Variants in FAR2 observed in about 807,000 individuals in gnomAD.
FAR2 encodes epididymis secretory protein Li 81.
In FAR2, 19 loss-of-function variants were observed where a neutral mutation model predicts 56.0. That is an observed-to-expected ratio of 0.34 (90% CI 0.24 to 0.50). The LOEUF is 0.50. Ranked by LOEUF, FAR2 falls within the 20% of genes least tolerant of loss-of-function variation. The pLI is 0.98. For missense variants in FAR2, 508 were observed against 642.2 expected, an observed-to-expected ratio of 0.79 and a Z score of 2.26; for synonymous variants, 219 against 218.8, an observed-to-expected ratio of 1.00 and a Z score of -0.01.
chr12:29,181,199 AC>A (rs753155194), intron 1 of FAR2, among the ~76,000 whole-genome samples: 3 of 152,042 alleles, frequency 2.0e-5, no homozygotes, highest in South Asian at 2.1e-4. Flanking sequence ...AGTTTTCCTG[AC>A]GTTCACCCGT....
intron 2 of FAR2, among the ~76,000 whole-genome samples, chr12:29,278,939 C>G (rs1417116199): frequency 6.6e-6 from 1 of 152,126 alleles, no homozygotes; most frequent in Non-Finnish European, 1.5e-5. Context: ...TACTATCGAA[C>G]TCTAGTTTAG....
chr12:29,239,704 ATAT>A (rs1347151971), intron 1 of FAR2, among the ~76,000 whole-genome samples: 1 of 152,204 alleles, frequency 6.6e-6, no homozygotes, highest in Non-Finnish European at 1.5e-5. Flanking sequence ...AGGCAGAGAA[ATAT>A]TATCCTTCAA....
intron 2 of FAR2, chr12:29,292,474 A>C (rs764310101): frequency 6.6e-6 from 1 of 152,254 alleles, no homozygotes; most frequent in Non-Finnish European, 1.5e-5. Context: ...TACAATTAAC[A>C]TTAACTATCA....
intron 1 of FAR2, among the ~76,000 whole-genome samples, chr12:29,173,581 A>T (rs1401261476): frequency 6.6e-6 from 1 of 152,102 alleles, no homozygotes; most frequent in Non-Finnish European, 1.5e-5. Context: ...TCAGAGAGAG[A>T]ATACTGGGGC....
chr12:29,243,959 A>G (rs1446668945), intron 1 of FAR2, among the ~76,000 whole-genome samples: 2 of 152,190 alleles, frequency 1.3e-5, no homozygotes, highest in Non-Finnish European at 2.9e-5. Context: ...TATCCCCAGC[A>G]TGTAGCACAA....
intron 2 of FAR2, among the ~76,000 whole-genome samples, chr12:29,290,050 CAAT>C (rs1179231969): frequency 6.6e-6 from 1 of 152,110 alleles, no homozygotes; most frequent in African/African-American, 2.4e-5. Flanking sequence ...AAAATGTTGT[CAAT>C]GATGTGGAGC....
chr12:29,314,060 C>G (rs894825083), intron 8 of FAR2, among the ~76,000 whole-genome samples: 9 of 152,184 alleles, frequency 5.9e-5, no homozygotes, highest in African/African-American at 2.2e-4. Context: ...TTATTACTCT[C>G]TAAGCATTAA....
At chr12:29,270,283 G>A (rs1030897900) in intron 1 of FAR2, 129 bp from the exon 2 acceptor site, 6 of 582,464 alleles carry the variant, frequency 1.0e-5, no homozygotes, top group African/African-American at 3.8e-5. Flanking sequence ...TAAAAGCCAC[G>A]ATGCTCTCAC....
chr12:29,267,125 T>G (rs1948530469), intron 1 of FAR2, among the ~76,000 whole-genome samples: 1 of 152,180 alleles, frequency 6.6e-6, no homozygotes. Flanking sequence ...TATAGTTATA[T>G]TTGGTGAAAA....
intron 2 of FAR2, among the ~76,000 whole-genome samples, chr12:29,274,620 C>A (rs535685461): frequency 2.0e-5 from 3 of 152,150 alleles, no homozygotes; most frequent in Admixed American, 6.5e-5. Flanking sequence ...ATCCAGCTGG[C>A]CGGTTCCTGC....
At chr12:29,329,861 A>G (rs1247455153) in intron 10 of FAR2, among the ~76,000 whole-genome samples, 1 of 152,192 alleles carries the variant, frequency 6.6e-6, no homozygotes, top group Non-Finnish European at 1.5e-5. Flanking sequence ...ATGAAGTCAC[A>G]GCTAAAAATT....
At chr12:29,229,522 A>G (rs1386419070) in intron 1 of FAR2, among the ~76,000 whole-genome samples, 1 of 152,228 alleles carries the variant, frequency 6.6e-6, no homozygotes, top group African/African-American at 2.4e-5. Flanking sequence ...AACTAAAGAA[A>G]AAAAAAGACC....
At chr12:29,305,448 C>T (rs1949240305) in intron 4 of FAR2, among the ~76,000 whole-genome samples, 3 of 152,104 alleles carry the variant, frequency 2.0e-5, no homozygotes, top group South Asian at 2.1e-4. Flanking sequence ...AGAAATGACA[C>T]TTTAAAACTA....
chr12:29,321,666 A>T, intron 9 of FAR2, 129 bp from the exon 10 acceptor site: 1 of 1,089,648 alleles, frequency 9.2e-7, no homozygotes, highest in Non-Finnish European at 1.3e-6. Context: ...AAAAAGAAGA[A>T]GAATTTTAAT....
At chr12:29,194,257 T>C (rs1950126498) in intron 1 of FAR2, among the ~76,000 whole-genome samples, 1 of 152,166 alleles carries the variant, frequency 6.6e-6, no homozygotes, top group Non-Finnish European at 1.5e-5. Flanking sequence ...TCAGAACGAA[T>C]CTTCAACTTC....
At chr12:29,208,915 G>A (rs1054095975) in intron 1 of FAR2, among the ~76,000 whole-genome samples, 4 of 152,038 alleles carry the variant, frequency 2.6e-5, no homozygotes, top group Non-Finnish European at 5.9e-5. Flanking sequence ...ATGCAACCTC[G>A]GTGTGGCAAA....
intron 1 of FAR2, among the ~76,000 whole-genome samples, chr12:29,227,932 G>C (rs1947795825): frequency 6.6e-6 from 1 of 151,672 alleles, no homozygotes; most frequent in Non-Finnish European, 1.5e-5. Flanking sequence ...AAGTTCTAAT[G>C]AGAACACTTG....
rs532509468 is a variant in FAR2 at position 29,180,069 on chromosome 12, A to G, written c.-39+30662A>G. On this transcript the variant is annotated intron_variant, in intron 1 of 11. Transcript: ENST00000536681. ...AATTCAATAGTTCACAAAATCAGTC[A>G]AGGAAAGCTAAAATCAACCATCCCC... 3.7e-4 allele frequency among the ~76,000 whole-genome samples: 56 copies of G among 152,304 alleles called. 1 individual carries two copies. The highest frequency in any genetic ancestry group is 1.3e-3 in the African/African-American group (56 of 41,572).
intron 1 of FAR2, among the ~76,000 whole-genome samples, chr12:29,262,726 A>G (rs1187165624): frequency 6.6e-6 from 1 of 152,196 alleles, no homozygotes; most frequent in Non-Finnish European, 1.5e-5. Flanking sequence ...GACAGGAAGG[A>G]AGGAAGGAAG....
Sources: gnomAD v4.1 joint callset for allele counts (sites outside exome capture counted in the v4.1 genomes callset) on GRCh38, gnomAD v4.1.1 for gene constraint, MANE v1.5 for transcripts, NCBI Gene and HGNC (gene_info 2026-07-23, HGNC 2026-07-21) for gene names.